Variants in MYO1D observed in about 807,000 individuals in gnomAD.
MYO1D encodes myosin ID.
A neutral mutation model predicts 122.0 loss-of-function variants in MYO1D; 83 were observed. The observed-to-expected ratio is 0.68, with a 90% CI of 0.57 to 0.82. The LOEUF is 0.82. Ranked by LOEUF, MYO1D falls within the 40% of genes least tolerant of loss-of-function variation. MYO1D has a pLI of 0.00. For synonymous variants in MYO1D, 464 were observed against 446.9 expected (o/e 1.04, Z -0.48); for missense variants, 1,157 against 1,269.5 (o/e 0.91, Z 1.35).
At chr17:32,818,435 G>A (rs1031998814) in intron 1 of MYO1D, among the ~76,000 whole-genome samples, 1 of 152,216 alleles carries the variant, frequency 6.6e-6, no homozygotes, top group African/African-American at 2.4e-5. Context: ...CACCACTTGA[G>A]ATGACACTGC....
chr17:32,813,724 T>C (rs2090591217), intron 1 of MYO1D, among the ~76,000 whole-genome samples: 2 of 152,210 alleles, frequency 1.3e-5, no homozygotes, highest in Admixed American at 6.5e-5. Context: ...TAAGAAGTTC[T>C]GGCTACAGCA....
chr17:32,676,715 T>C (rs1400988436), intron 16 of MYO1D, among the ~76,000 whole-genome samples: 1 of 152,218 alleles, frequency 6.6e-6, no homozygotes, highest in African/African-American at 2.4e-5. Context: ...TTTCATGTTC[T>C]GTGAAATAAA....
At chr17:32,528,084 AC>A (rs1488792835) in intron 21 of MYO1D, among the ~76,000 whole-genome samples, 2 of 152,086 alleles carry the variant, frequency 1.3e-5, no homozygotes, top group Non-Finnish European at 1.5e-5. Flanking sequence ...TGATCCACAT[AC>A]CTCAGCCTCC....
intron 20 of MYO1D, among the ~76,000 whole-genome samples, chr17:32,626,241 C>T (rs529984471): frequency 7.2e-5 from 11 of 152,332 alleles, no homozygotes; most frequent in South Asian, 4.1e-4. Flanking sequence ...TAAAAGAGAG[C>T]TCTGATAAAG....
chr17:32,553,570 T>C (rs2087041568), intron 21 of MYO1D, among the ~76,000 whole-genome samples: 1 of 152,164 alleles, frequency 6.6e-6, no homozygotes, highest in African/African-American at 2.4e-5. Context: ...AGGGCCTAGG[T>C]ATCTTGCTAG....
chr17:32,501,297 G>A (rs1909310668), intron 21 of MYO1D, among the ~76,000 whole-genome samples: 1 of 152,174 alleles, frequency 6.6e-6, no homozygotes, highest in South Asian at 2.1e-4. Context: ...ACGTTGGGGT[G>A]CTTTAGGCCT....
intron 1 of MYO1D, among the ~76,000 whole-genome samples, chr17:32,811,503 A>T (rs2090571598): frequency 6.6e-6 from 1 of 151,966 alleles, no homozygotes; most frequent in Non-Finnish European, 1.5e-5. Context: ...CTTCAATGTG[A>T]CTACTAATTC....
rs536724769 is a variant in MYO1D at position 32,624,597 on chromosome 17, C to T, written c.2709+14125G>A. ...CTAAATAGCAGGTTAACAGTAAAAC[C>T]ACTATATTTTTTCTGGCCTTCTTGA... On this transcript the variant is annotated intron_variant, in intron 20 of 21. Coordinates refer to ENST00000318217, the MANE Select transcript of MYO1D (RefSeq NM_015194.3). Among the ~76,000 whole-genome samples the T allele has an allele frequency of 1.4e-4, 22 of 152,064 alleles. No individual in the cohort carries two copies. The Middle Eastern group carries it at 0.01, about 71-fold the overall frequency.
At chr17:32,640,661 T>G (rs1442161948) in intron 19 of MYO1D, among the ~76,000 whole-genome samples, 1 of 151,274 alleles carries the variant, frequency 6.6e-6, no homozygotes, top group South Asian at 2.1e-4. Flanking sequence ...GAACTAATCA[T>G]TTTTTATGGC....
chr17:32,861,715 G>C, intron 1 of MYO1D, among the ~76,000 whole-genome samples: 1 of 152,048 alleles, frequency 6.6e-6, no homozygotes, highest in Non-Finnish European at 1.5e-5. Context: ...CAGAAACTGA[G>C]CCTATCTAAA....
chr17:32,545,496 AG>A (rs1300813961), intron 21 of MYO1D, among the ~76,000 whole-genome samples: 1 of 152,196 alleles, frequency 6.6e-6, no homozygotes, highest in Non-Finnish European at 1.5e-5. Flanking sequence ...GGAACGTGAG[AG>A]GAGTGGAATA....
chr17:32,651,146 T>C (rs1236097549), intron 19 of MYO1D, among the ~76,000 whole-genome samples: 1 of 152,224 alleles, frequency 6.6e-6, no homozygotes, highest in Non-Finnish European at 1.5e-5. Flanking sequence ...TGAGGCAATC[T>C]CTTGTCAGTA....
At chr17:32,575,495 GAT>G (rs2087270326) in intron 21 of MYO1D, among the ~76,000 whole-genome samples, 1 of 152,188 alleles carries the variant, frequency 6.6e-6, no homozygotes, top group Non-Finnish European at 1.5e-5. Flanking sequence ...CATGTGGTGT[GAT>G]TATATAGTAC....
In MYO1D at chr17:32,868,937, G is replaced by A. The variant is rs534918772; in HGVS notation, c.95+7841C>T. Among the ~76,000 whole-genome samples, 312 of 152,132 alleles carry A rather than the reference G, an allele frequency of 2.1e-3. 3 individuals carry two copies. The highest frequency in any genetic ancestry group is 7.2e-3 in the African/African-American group (297 of 41,486). ...TATTCAAGAGATCTTGGCTGGGTTC[G>A]GTGGCTCATGCCTGTAATCTCAAAA... On this transcript the variant is annotated intron_variant, in intron 1 of 21. Transcript: ENST00000318217.
intron 20 of MYO1D, among the ~76,000 whole-genome samples, chr17:32,637,070 CAG>C (rs2088110786): frequency 2.0e-5 from 3 of 152,112 alleles, no homozygotes; most frequent in Non-Finnish European, 2.9e-5. Flanking sequence ...TAAAGGGAAA[CAG>C]TGACTATAAA....
At chr17:32,534,222 C>T (rs886067802) in intron 21 of MYO1D, among the ~76,000 whole-genome samples, 2 of 152,046 alleles carry the variant, frequency 1.3e-5, no homozygotes, top group East Asian at 1.9e-4. Context: ...GCTGGAGTGC[C>T]GTGGTGTGAT....
At chr17:32,864,493 A>G (rs913258845) in intron 1 of MYO1D, among the ~76,000 whole-genome samples, 1 of 135,856 alleles carries the variant, frequency 7.4e-6, no homozygotes, top group Admixed American at 8.4e-5. Context: ...AGCACCACTA[A>G]TGTTTCCTGC....
intron 1 of MYO1D, among the ~76,000 whole-genome samples, chr17:32,831,286 A>G (rs888925703): frequency 1.3e-5 from 2 of 152,210 alleles, no homozygotes; most frequent in African/African-American, 4.8e-5. Context: ...CTTGGAGGAG[A>G]AAGAAACAGC....
intron 1 of MYO1D, among the ~76,000 whole-genome samples, chr17:32,819,182 T>G (rs923865169): frequency 1.3e-5 from 2 of 151,988 alleles, no homozygotes; most frequent in African/African-American, 4.8e-5. Flanking sequence ...CAATAATGCT[T>G]CATCATGTAG....
Sources: allele counts gnomAD v4.1 joint callset (sites outside exome capture counted in the v4.1 genomes callset), GRCh38; gene constraint gnomAD v4.1.1; transcripts MANE v1.5; gene names NCBI Gene and HGNC (gene_info 2026-07-23, HGNC 2026-07-21).